The following PDE1C variants were observed in gnomAD, a reference collection of about 807,000 sequenced individuals.
The protein encoded by PDE1C is phosphodiesterase 1C.
In PDE1C, 62 loss-of-function variants were observed where a neutral mutation model predicts 93.1. That is an observed-to-expected ratio of 0.67 (90% CI 0.54 to 0.82). The LOEUF (loss-of-function observed/expected upper bound fraction) is 0.82, where lower values mean the gene tolerates loss of function less well. Among genes scored for constraint, PDE1C ranks in the 40% least tolerant of loss-of-function variants. The probability of loss-of-function intolerance (pLI) is 0.00; values close to 1 mark genes in which losing one functional copy is unlikely to be tolerated. For synonymous variants in PDE1C, 325 were observed against 310.1 expected, an observed-to-expected ratio of 1.05 and a Z score of -0.50; for missense variants, 742 against 884.6, an observed-to-expected ratio of 0.84 and a Z score of 2.04.
At chr7:31,631,743 A>G in the PDE1C span, among the ~76,000 whole-genome samples, 4 of 152,228 alleles carry the variant, frequency 2.6e-5, no homozygotes, top group Non-Finnish European at 5.9e-5. Context: ...AAACCTCAGG[A>G]GAGTGCTAAT....
intron 2 of PDE1C, among the ~76,000 whole-genome samples, chr7:31,903,592 C>T (rs1030466832): frequency 1.3e-5 from 2 of 152,010 alleles, no homozygotes; most frequent in Middle Eastern, 3.2e-3. Flanking sequence ...ACCTGCCAAC[C>T]TTCAAGTACT....
chr7:32,084,632 C>T (rs1404895394), intron 3 of PDE1C, among the ~76,000 whole-genome samples: 1 of 151,352 alleles, frequency 6.6e-6, no homozygotes, highest in African/African-American at 2.4e-5. Context: ...TGTAAAAGAA[C>T]AGAAATTATA....
At chr7:32,175,212 A>G (rs1802904262) in intron 2 of PDE1C, among the ~76,000 whole-genome samples, 1 of 152,220 alleles carries the variant, frequency 6.6e-6, no homozygotes, top group South Asian at 2.1e-4. Flanking sequence ...AGAAAACAAT[A>G]TACAGGCATA....
intron 1 of PDE1C, among the ~76,000 whole-genome samples, chr7:32,381,953 T>C (rs953513007): frequency 6.6e-6 from 1 of 152,160 alleles, no homozygotes; most frequent in African/African-American, 2.4e-5. Flanking sequence ...AGCATGACCA[T>C]ATGCCAAGCA....
intron 3 of PDE1C, among the ~76,000 whole-genome samples, chr7:32,093,197 G>C (rs1244926321): frequency 6.6e-6 from 1 of 152,216 alleles, no homozygotes; most frequent in African/African-American, 2.4e-5. Flanking sequence ...TTTCAGAAGA[G>C]CAAGCTCTTT....
chr7:32,077,220 G>T (rs1796406866), intron 3 of PDE1C, among the ~76,000 whole-genome samples: 2 of 152,108 alleles, frequency 1.3e-5, no homozygotes, highest in Non-Finnish European at 2.9e-5. Context: ...AGCCTGGGCA[G>T]CAAAACAAGA....
chr7:31,693,937 A>G, the PDE1C span, among the ~76,000 whole-genome samples: 2 of 152,236 alleles, frequency 1.3e-5, no homozygotes, highest in Admixed American at 6.5e-5. Context: ...TATCCAGGCC[A>G]TACTTAGAGT....
chr7:31,660,413 A>C, the PDE1C span, among the ~76,000 whole-genome samples: 2 of 152,338 alleles, frequency 1.3e-5, no homozygotes, highest in African/African-American at 4.8e-5. Flanking sequence ...CCCTTTATAA[A>C]GATACATAAT....
At chr7:31,877,523 C>T (rs1360896236) in intron 5 of PDE1C, among the ~76,000 whole-genome samples, 1 of 151,822 alleles carries the variant, frequency 6.6e-6, no homozygotes, top group Non-Finnish European at 1.5e-5. Flanking sequence ...TTAGCTCTGT[C>T]TCTAATTAAC....
At chr7:31,894,685 C>T (rs1239776038) in intron 2 of PDE1C, among the ~76,000 whole-genome samples, 1 of 152,112 alleles carries the variant, frequency 6.6e-6, no homozygotes, top group African/African-American at 2.4e-5. Flanking sequence ...GGTGATCTAC[C>T]ATTTTGACTT....
chr7:32,095,605 T>G (rs2128747295), intron 3 of PDE1C, among the ~76,000 whole-genome samples: 1 of 152,334 alleles, frequency 6.6e-6, no homozygotes. Context: ...CAGCCCACTT[T>G]GGGCCTCAAA....
At chr7:32,116,052 C>T (rs145008636) in intron 3 of PDE1C, among the ~76,000 whole-genome samples, 10 of 152,274 alleles carry the variant, frequency 6.6e-5, no homozygotes, top group African/African-American at 2.2e-4. Flanking sequence ...CAATGAGAGA[C>T]TTTAAAAAGA....
chr7:32,098,185 G>C (rs561032872), intron 3 of PDE1C, among the ~76,000 whole-genome samples: 5 of 123,904 alleles, frequency 4.0e-5, no homozygotes, highest in Non-Finnish European at 6.5e-5. Context: ...AGCCGAGATC[G>C]CGCCACTGCA....
intron 2 of PDE1C, among the ~76,000 whole-genome samples, chr7:32,047,934 A>G (rs1792825879): frequency 6.6e-6 from 1 of 152,208 alleles, no homozygotes; most frequent in Non-Finnish European, 1.5e-5. Flanking sequence ...CAGCCAAATA[A>G]CTGCAGTTAG....
At chr7:32,336,274 G>C (rs187596111) in intron 1 of PDE1C, among the ~76,000 whole-genome samples, 1 of 152,222 alleles carries the variant, frequency 6.6e-6, no homozygotes, top group East Asian at 1.9e-4. Context: ...GAGACTTCAG[G>C]GTGGGAGAAT....
At chr7:32,088,901 G>T (rs1349788671) in intron 3 of PDE1C, among the ~76,000 whole-genome samples, 1 of 152,198 alleles carries the variant, frequency 6.6e-6, no homozygotes, top group Non-Finnish European at 1.5e-5. Flanking sequence ...CCAAGGGACA[G>T]AAGAGAGAAT....
chr7:32,323,768 GA>G (rs1424913594), intron 1 of PDE1C, among the ~76,000 whole-genome samples: 1 of 152,230 alleles, frequency 6.6e-6, no homozygotes, highest in African/African-American at 2.4e-5. Context: ...ACCTGAGGAT[GA>G]AGCAGAAAGT....
chr7:32,209,933 G>A (rs954541733), intron 1 of PDE1C, among the ~76,000 whole-genome samples: 1 of 152,144 alleles, frequency 6.6e-6, no homozygotes, highest in Non-Finnish European at 1.5e-5. Context: ...TGCACCCCAA[G>A]CATCGAAATG....
chr7:32,194,779 T>C (rs1468589807), intron 2 of PDE1C, among the ~76,000 whole-genome samples: 2 of 152,264 alleles, frequency 1.3e-5, no homozygotes, highest in Admixed American at 6.5e-5. Context: ...ATGTAATTAT[T>C]GATATGTCAG....
Sources: allele counts gnomAD v4.1 joint callset (sites outside exome capture counted in the v4.1 genomes callset), GRCh38; gene constraint gnomAD v4.1.1; transcripts MANE v1.5; gene names NCBI Gene and HGNC (gene_info 2026-07-23, HGNC 2026-07-21).